VOPP1: variants seen among roughly 807,000 people sequenced by gnomAD.
VOPP1 encodes the protein WW domain binding protein VOPP1.
VOPP1 carries 8 observed loss-of-function variants against 23.5 expected under a neutral mutation model. The ratio of observed to expected loss-of-function variants is 0.34; its 90% CI spans 0.20 to 0.61. The LOEUF (loss-of-function observed/expected upper bound fraction) is 0.61. Among genes scored for constraint, VOPP1 ranks in the 20% least tolerant of loss-of-function variants. The pLI is 0.78. For synonymous variants in VOPP1, 83 were observed against 97.3 expected, an observed-to-expected ratio of 0.85 and a Z score of 0.86; for missense variants, 174 against 238.1, an observed-to-expected ratio of 0.73 and a Z score of 1.77.
At chr7:55,534,748 C>T (rs1193686848) in intron 1 of VOPP1, among the ~76,000 whole-genome samples, 1 of 152,206 alleles carries the variant, frequency 6.6e-6, no homozygotes, top group Non-Finnish European at 1.5e-5. Context: ...GCCAGGTGCC[C>T]AGAAGAACCT....
intron 2 of VOPP1, among the ~76,000 whole-genome samples, chr7:55,510,172 T>C (rs565033136): frequency 6.6e-6 from 1 of 152,356 alleles, no homozygotes; most frequent in East Asian, 1.9e-4. Context: ...AGAGCTTATA[T>C]ACCTTCTAAG....
intron 4 of VOPP1, among the ~76,000 whole-genome samples, chr7:55,448,182 A>G (rs1791148261): frequency 6.6e-6 from 1 of 152,216 alleles, no homozygotes; most frequent in African/African-American, 2.4e-5. Context: ...CTCTGAGGAA[A>G]TAAATGTGGA....
intron 4 of VOPP1, among the ~76,000 whole-genome samples, chr7:55,491,175 A>G (rs969766407): frequency 1.3e-5 from 2 of 152,224 alleles, no homozygotes; most frequent in Non-Finnish European, 2.9e-5. Flanking sequence ...AAACATCTCT[A>G]TTACCTACAA....
chr7:55,521,578 T>G, intron 1 of VOPP1: 6 of 988,424 alleles, frequency 6.1e-6, no homozygotes, highest in South Asian at 4.6e-5. Flanking sequence ...CATTCCGACC[T>G]ACGTCTGCAA....
At chr7:55,526,824 A>AG (rs1796219332) in intron 1 of VOPP1, 1 of 152,386 alleles carries the variant, frequency 6.6e-6, no homozygotes, top group African/African-American at 2.4e-5. Context: ...GGTTTGCTTC[A>AG]GGATGGTGGG....
chr7:55,535,066 G>A (rs538340442), intron 1 of VOPP1, among the ~76,000 whole-genome samples: 2 of 152,314 alleles, frequency 1.3e-5, no homozygotes, highest in East Asian at 1.9e-4. Context: ...AAGTCTGGCC[G>A]CATGGCCTCT....
intron 1 of VOPP1, chr7:55,537,427 C>T: frequency 6.5e-7 from 1 of 1,531,266 alleles, no homozygotes; most frequent in South Asian, 1.2e-5. Context: ...CCACCATGCT[C>T]TTCTTTCCCA....
intron 1 of VOPP1, among the ~76,000 whole-genome samples, chr7:55,564,716 G>A (rs574183458): frequency 1.3e-5 from 2 of 152,236 alleles, no homozygotes; most frequent in African/African-American, 4.8e-5. Flanking sequence ...CAGGAAACTT[G>A]CTTGGGAATG....
rs1187294448 is a variant in VOPP1, at chr7:55,472,197, G to C, written c.*658C>G. 2 of 150,586 alleles carry C rather than the reference G, an allele frequency of 1.3e-5. No homozygotes were observed. The highest frequency in any genetic ancestry group is 4.0e-4 in the East Asian group (2 of 5,032). The allele number at this position is 150,586 out of a possible 1,614,324, so 9.3% of individuals were successfully genotyped here. ...CTTAGTGGATGTCAGATCACTGTCA[G>C]GCCTCCAAGGCAAGCCTGATTCTAG... On this transcript the variant is annotated 3_prime_UTR_variant, in exon 5 of 5. Coordinates refer to ENST00000285279, the MANE Select transcript of VOPP1 (RefSeq NM_030796.5).
At chr7:55,561,778 C>T (rs1797997832) in intron 1 of VOPP1, 1 of 401,748 alleles carries the variant, frequency 2.5e-6, no homozygotes. Context: ...CAAGCAATTA[C>T]AGTATCTGAG....
intron 1 of VOPP1, among the ~76,000 whole-genome samples, chr7:55,540,398 AAAATAAATAAATAAATAAAT>A (rs200219554): frequency 0.018 from 2,568 of 141,864 alleles, 27 homozygotes; most frequent in Non-Finnish European, 0.025. Flanking sequence ...CTCTGTCTCA[AAAATAAATAAATAAATAAAT>A]AAATAAATAA....
At chr7:55,525,793 A>T (rs1378075569) in intron 1 of VOPP1, among the ~76,000 whole-genome samples, 2,980 of 90,442 alleles carry the variant, frequency 0.033, 73 homozygotes, top group African/African-American at 0.048. Context: ...CCTCTCTAAA[A>T]AAAAAAAAAA....
intron 1 of VOPP1, among the ~76,000 whole-genome samples, chr7:55,562,831 G>A (rs199823157): frequency 6.6e-6 from 1 of 152,266 alleles, no homozygotes; most frequent in East Asian, 1.9e-4. Context: ...TTTGGTCAAG[G>A]GGAGAGTTTT....
chr7:55,558,021 C>G (rs184807980), intron 1 of VOPP1, among the ~76,000 whole-genome samples: 5 of 152,124 alleles, frequency 3.3e-5, no homozygotes, highest in Non-Finnish European at 7.3e-5. Context: ...ACAAGAAAAC[C>G]CTTCAACAGA....
At chr7:55,474,876 G>A (rs1792114358) in intron 4 of VOPP1, among the ~76,000 whole-genome samples, 1 of 152,258 alleles carries the variant, frequency 6.6e-6, no homozygotes. Context: ...AGATGCGGCA[G>A]GAGGTGGTGC....
chr7:55,500,594 T>A (rs1467944617), intron 2 of VOPP1, among the ~76,000 whole-genome samples: 1 of 152,206 alleles, frequency 6.6e-6, no homozygotes, highest in South Asian at 2.1e-4. Flanking sequence ...AATAAGGGTG[T>A]GCTGTTTCAG....
At chr7:55,442,612 G>A (rs143449572) in intron 4 of VOPP1, among the ~76,000 whole-genome samples, 12 of 149,776 alleles carry the variant, frequency 8.0e-5, no homozygotes, top group South Asian at 4.2e-4. Context: ...GCAGATGTGC[G>A]TACCTTCTAA....
intron 4 of VOPP1, among the ~76,000 whole-genome samples, chr7:55,447,813 T>C (rs1006830595): frequency 2.0e-5 from 3 of 152,182 alleles, no homozygotes; most frequent in South Asian, 2.1e-4. Context: ...TTGCCAACCA[T>C]GGACCCTTTC....
chr7:55,549,625 C>T (rs1562621479), intron 1 of VOPP1, among the ~76,000 whole-genome samples: 1 of 152,216 alleles, frequency 6.6e-6, no homozygotes, highest in Non-Finnish European at 1.5e-5. Context: ...GCAGTGCGAC[C>T]AGCCGTGTAC....
Sources: gnomAD v4.1 joint callset for allele counts (sites outside exome capture counted in the v4.1 genomes callset) on GRCh38, gnomAD v4.1.1 for gene constraint, MANE v1.5 for transcripts, NCBI Gene and HGNC (gene_info 2026-07-23, HGNC 2026-07-21) for gene names.